The following NTM variants were observed in gnomAD, a reference collection of about 807,000 sequenced individuals.
NTM encodes the protein neurotrimin.
A neutral mutation model predicts 42.1 loss-of-function variants in NTM; 13 were observed. The observed-to-expected ratio is 0.31, with a 90% CI of 0.20 to 0.49. The LOEUF (loss-of-function observed/expected upper bound fraction) is 0.49. Ranked by LOEUF, NTM falls within the 20% of genes least tolerant of loss-of-function variation. NTM has a pLI of 0.99. For missense variants in NTM, 373 were observed against 452.8 expected (o/e 0.82, Z 1.60); for synonymous variants, 187 against 179.2 (o/e 1.04, Z -0.35).
At chr11:131,599,059 C>T (rs985053331) in intron 1 of NTM, among the ~76,000 whole-genome samples, 6 of 151,854 alleles carry the variant, frequency 4.0e-5, no homozygotes, top group African/African-American at 7.3e-5. Flanking sequence ...GGATTACAGG[C>T]GTGTGCCACC....
intron 3 of NTM, among the ~76,000 whole-genome samples, chr11:132,158,092 C>A (rs936242631): frequency 1.3e-5 from 2 of 152,208 alleles, no homozygotes; most frequent in Non-Finnish European, 2.9e-5. Context: ...CTTCGTTGTT[C>A]CTGATTTAGT....
intron 2 of NTM, among the ~76,000 whole-genome samples, chr11:132,137,505 T>C (rs980143246): frequency 6.6e-6 from 1 of 152,222 alleles, no homozygotes; most frequent in Non-Finnish European, 1.5e-5. Context: ...CGAGGGCTTA[T>C]TGCACAACGA....
chr11:132,314,366 A>G (rs1341567517), intron 6 of NTM, 186 bp from the exon 7 acceptor site: 1 of 236,294 alleles, frequency 4.2e-6, no homozygotes, highest in Non-Finnish European at 6.9e-6. Flanking sequence ...AAATCAAGAA[A>G]CAACGTGTCA....
At chr11:131,823,519 A>C (rs765065415) in intron 1 of NTM, among the ~76,000 whole-genome samples, 2 of 152,196 alleles carry the variant, frequency 1.3e-5, no homozygotes, top group Non-Finnish European at 2.9e-5. Flanking sequence ...CATTCTAATT[A>C]ATAAGTTCTA....
chr11:132,229,621 A>C (rs2087056877), intron 4 of NTM, among the ~76,000 whole-genome samples: 1 of 152,210 alleles, frequency 6.6e-6, no homozygotes, highest in African/African-American at 2.4e-5. Flanking sequence ...GAGAGTTCAT[A>C]ATTCCCCAAG....
At position 132,257,940 on chromosome 11, in the gene NTM, CTGGCATTTACTG is replaced by C. The variant is rs543328792; in HGVS notation, c.526+45808_526+45819del. On this transcript the variant is annotated intron_variant, in intron 4 of 8. Coordinates refer to ENST00000683400, the MANE Select transcript of NTM (RefSeq NM_001352005.2). Reference sequence around the variant, plus strand: ...TTGCTCACCTGCCGTCCTAGTGGAGCTGGCATTTACTGTGGCATTTACTGTGTAGCTGCAGAG... The same window carrying C: ...TTGCTCACCTGCCGTCCTAGTGGAGCTGGCATTTACTGTGTAGCTGCAGAG... Among the ~76,000 whole-genome samples the C allele has an allele frequency of 2.8e-3, 422 of 152,334 alleles. 2 individuals are homozygous for C. Among genetic ancestry groups the C allele is most frequent in the African/African-American group, 9.7e-3 (402 of 41,584 alleles).
intron 1 of NTM, among the ~76,000 whole-genome samples, chr11:131,405,924 C>G (rs759201446): frequency 4.1e-4 from 62 of 152,184 alleles, no homozygotes; most frequent in Non-Finnish European, 7.1e-4. Flanking sequence ...GAAGGTTTTC[C>G]CTCCAGATCT....
chr11:132,084,104 T>C (rs1019095986), intron 2 of NTM, among the ~76,000 whole-genome samples: 1 of 152,174 alleles, frequency 6.6e-6, no homozygotes, highest in Non-Finnish European at 1.5e-5. Context: ...GTTTTTCCTT[T>C]ATTCCGATGT....
chr11:131,682,724 G>A lies in NTM; in HGVS notation c.83-228840G>A, dbSNP rs141655377. On this transcript the variant is annotated intron_variant, in intron 1 of 8. Transcript: ENST00000683400. ...TTTGCTCTCAGCGCCTCCACTGAAA[G>A]TTGCCTGCATCCATTCAGTTCTGAC... 3.1e-4 allele frequency among the ~76,000 whole-genome samples: 47 copies of A among 152,274 alleles called. No individual in the cohort carries two copies. In the East Asian group the frequency reaches 6.2e-3, roughly 20 times the overall value.
chr11:131,519,033 G>A (rs1052020156), intron 1 of NTM, among the ~76,000 whole-genome samples: 2 of 152,190 alleles, frequency 1.3e-5, no homozygotes, highest in African/African-American at 4.8e-5. Flanking sequence ...GAGACTAAAT[G>A]AATAGAAATG....
In NTM at chr11:131,707,351, A is replaced by G. The variant is rs191438068; in HGVS notation, c.83-204213A>G. Among the ~76,000 whole-genome samples, 768 of 152,152 alleles carry G rather than the reference A, an allele frequency of 5.0e-3. 7 individuals are homozygous for G. The highest frequency in any genetic ancestry group is 0.015 in the African/African-American group (641 of 41,550). On this transcript the variant is annotated intron_variant, in intron 1 of 8. Coordinates refer to ENST00000683400, the MANE Select transcript of NTM (RefSeq NM_001352005.2). ...TTCCCCTTTTTAAAGGCTGAATAGTATTTCATTGTGTGCATATGTCACATT... is the reference window on the plus strand; with the variant it reads ...TTCCCCTTTTTAAAGGCTGAATAGTGTTTCATTGTGTGCATATGTCACATT...
chr11:132,015,253 G>A (rs1260649681), intron 2 of NTM, among the ~76,000 whole-genome samples: 1 of 151,926 alleles, frequency 6.6e-6, no homozygotes, highest in Non-Finnish European at 1.5e-5. Flanking sequence ...TGAATTATGT[G>A]TCTGATTTTA....
intron 8 of NTM, among the ~76,000 whole-genome samples, chr11:132,334,537 G>A (rs771780649): frequency 8.5e-5 from 13 of 152,230 alleles, no homozygotes; most frequent in Non-Finnish European, 1.8e-4. Flanking sequence ...GATGGCCTCT[G>A]TGCCCAAGGA....
rs1214890407 is a variant in NTM, at chr11:132,160,617, G to A, written c.400+14103G>A. On this transcript the variant is annotated intron_variant, in intron 3 of 8. Coordinates refer to ENST00000683400, the MANE Select transcript of NTM (RefSeq NM_001352005.2). ...AGAAATAATATGTGGGCGGGTGACT[G>A]GAGAAGTCAGTAACTCCTTTTAACA... Among the ~76,000 whole-genome samples, 11 of 152,236 alleles carry A rather than the reference G, an allele frequency of 7.2e-5. 1 individual carries two copies. The highest frequency in any genetic ancestry group is 1.6e-4 in the Non-Finnish European group (11 of 68,048).
At chr11:132,209,328 C>G (rs560516984) in intron 3 of NTM, among the ~76,000 whole-genome samples, 11 of 152,198 alleles carry the variant, frequency 7.2e-5, no homozygotes, top group Non-Finnish European at 1.3e-4. Flanking sequence ...TCTCTCTCCT[C>G]CAACCCTTGT....
intron 2 of NTM, among the ~76,000 whole-genome samples, chr11:131,956,819 A>G (rs2061607438): frequency 6.6e-6 from 1 of 152,146 alleles, no homozygotes; most frequent in Non-Finnish European, 1.5e-5. Flanking sequence ...CATCAGCCTG[A>G]AGCCAGGCAA....
chr11:132,089,198 AGAAACTGTTACCAT>A (rs2060102432), intron 2 of NTM, among the ~76,000 whole-genome samples: 1 of 152,226 alleles, frequency 6.6e-6, no homozygotes, highest in Admixed American at 6.5e-5. Context: ...GAGGATCCCA[AGAAACTGTTACCAT>A]GAGCCTTGCT....
At chr11:131,892,773 G>A (rs2051575161) in intron 1 of NTM, among the ~76,000 whole-genome samples, 1 of 152,230 alleles carries the variant, frequency 6.6e-6, no homozygotes, top group African/African-American at 2.4e-5. Context: ...GGCCAGCCCG[G>A]CATCCCCAAA....
At chr11:131,822,484 C>T (rs1329040535) in intron 1 of NTM, among the ~76,000 whole-genome samples, 2 of 152,170 alleles carry the variant, frequency 1.3e-5, no homozygotes, top group Non-Finnish European at 2.9e-5. Context: ...CTGTCAAATA[C>T]TATTAACGCT....
Sources: gnomAD v4.1 joint callset for allele counts (sites outside exome capture counted in the v4.1 genomes callset) on GRCh38, gnomAD v4.1.1 for gene constraint, MANE v1.5 for transcripts, NCBI Gene and HGNC (gene_info 2026-07-23, HGNC 2026-07-21) for gene names.